DRC4: variants seen among roughly 807,000 people sequenced by gnomAD.
DRC4 encodes the protein GAS-11.
At chr16:90,043,851 G>T in the DRC4 span, 1 of 466,030 alleles carries the variant, frequency 2.1e-6, no homozygotes, top group South Asian at 1.6e-5. Context: ...CTCTGTTGAG[G>T]GCTGGGTGGG....
the DRC4 span, chr16:90,040,192 G>T: frequency 9.3e-7 from 1 of 1,073,210 alleles, no homozygotes; most frequent in Non-Finnish European, 1.4e-6. Flanking sequence ...GGGCACTGTT[G>T]GGAGGCAGCG....
the DRC4 span, chr16:90,043,341 C>T: frequency 1.5e-5 from 23 of 1,585,022 alleles, no homozygotes; most frequent in East Asian, 7.0e-5. Context: ...GGCACCCCGA[C>T]GTAGCTGCCC....
chr16:90,044,884 G>T, the DRC4 span: 1 of 223,134 alleles, frequency 4.5e-6, no homozygotes, highest in Non-Finnish European at 9.1e-6. Context: ...CCACTTTATA[G>T]CTGGCATATA....
At chr16:90,037,897 A>T in the DRC4 span, 5 of 1,525,120 alleles carry the variant, frequency 3.3e-6, no homozygotes, top group South Asian at 4.5e-5. Flanking sequence ...TGTTAGAGCA[A>T]CGGTTCACCA....
the DRC4 span, among the ~76,000 whole-genome samples, chr16:90,027,015 C>T: frequency 5.9e-5 from 9 of 151,752 alleles, no homozygotes; most frequent in African/African-American, 1.7e-4. Flanking sequence ...CGGGTTCAAG[C>T]GATTCTTCTG....
the DRC4 span, among the ~76,000 whole-genome samples, chr16:90,028,225 C>T: frequency 7.0e-5 from 9 of 128,638 alleles, no homozygotes; most frequent in Non-Finnish European, 1.3e-4. Flanking sequence ...CACTCTGTCG[C>T]CCAGGCTGGA....
the DRC4 span, chr16:90,040,409 T>C: frequency 6.2e-7 from 1 of 1,612,274 alleles, no homozygotes; most frequent in Non-Finnish European, 8.5e-7. Flanking sequence ...CTGCAGGCTC[T>C]GAGCGCCGCT....
chr16:90,041,754 G>A, the DRC4 span, among the ~76,000 whole-genome samples: 5 of 152,128 alleles, frequency 3.3e-5, no homozygotes, highest in East Asian at 2.0e-4. Context: ...AGCCTAGATC[G>A]CGCCACTGCA....
chr16:90,024,600 A>G, the DRC4 span, among the ~76,000 whole-genome samples: 1 of 152,202 alleles, frequency 6.6e-6, no homozygotes, highest in Non-Finnish European at 1.5e-5. Flanking sequence ...GAGGAGAGAC[A>G]AGGCTCACTA....
At chr16:90,044,017 T>A in the DRC4 span, 1 of 432,540 alleles carries the variant, frequency 2.3e-6, no homozygotes, top group Non-Finnish European at 4.7e-6. Context: ...GGAGAGAGTA[T>A]AAGGGGATAG....
At chr16:90,026,492 C>T in the DRC4 span, among the ~76,000 whole-genome samples, 41 of 152,250 alleles carry the variant, frequency 2.7e-4, no homozygotes, top group South Asian at 2.1e-3. Flanking sequence ...CACAACCGAT[C>T]GTGGTTATGG....
At chr16:90,034,892 CTTTTTTTT>C in the DRC4 span, among the ~76,000 whole-genome samples, 2 of 53,846 alleles carry the variant, frequency 3.7e-5, no homozygotes, top group Non-Finnish European at 6.5e-5. Flanking sequence ...CCCACCTAAT[CTTTTTTTT>C]TTTTTTTTTT....
At chr16:90,042,360 C>A in the DRC4 span, 1 of 833,024 alleles carries the variant, frequency 1.2e-6, no homozygotes, top group Non-Finnish European at 2.0e-6. Context: ...TCCATCAAAC[C>A]AGGCTGCTAT....
At chr16:90,023,885 G>A in the DRC4 span, among the ~76,000 whole-genome samples, 4 of 150,332 alleles carry the variant, frequency 2.7e-5, no homozygotes, top group East Asian at 1.9e-4. Context: ...CCAGCTACTC[G>A]GGAGGCTGAG....
At chr16:90,033,032 A>AGAAAGTCT in the DRC4 span, 1 of 1,081,296 alleles carries the variant, frequency 9.2e-7, no homozygotes, top group Non-Finnish European at 1.3e-6. Flanking sequence ...ATATTTCTGC[A>AGAAAGTCT]TAAGACTTTC....
chr16:90,021,271 C>T, the DRC4 span, among the ~76,000 whole-genome samples: 1 of 152,206 alleles, frequency 6.6e-6, no homozygotes, highest in African/African-American at 2.4e-5. Flanking sequence ...TGGCAACTTC[C>T]TCCCCCAGCT....
the DRC4 span, among the ~76,000 whole-genome samples, chr16:90,038,692 A>G: frequency 6.6e-6 from 1 of 152,168 alleles, no homozygotes; most frequent in Non-Finnish European, 1.5e-5. Context: ...CACCTGCACC[A>G]GATCTGACAG....
the DRC4 span, chr16:90,029,170 CAGCTTACGGGGCAGGCTAT>C: frequency 1.3e-4 from 182 of 1,354,670 alleles, 1 homozygote; most frequent in East Asian, 6.4e-3. Context: ...GGCTACGGGG[CAGCTTACGGGGCAGGCTAT>C]GGGGCAGCCT....
chr16:90,034,052 C>G, the DRC4 span, among the ~76,000 whole-genome samples: 1 of 151,996 alleles, frequency 6.6e-6, no homozygotes, highest in African/African-American at 2.4e-5. Context: ...GACTTTGACC[C>G]TGGTGGAGTC....
Sources: gnomAD v4.1 joint callset for allele counts (sites outside exome capture counted in the v4.1 genomes callset) on GRCh38, gnomAD v4.1.1 for gene constraint, MANE v1.5 for transcripts, NCBI Gene and HGNC (gene_info 2026-07-23, HGNC 2026-07-21) for gene names.